CYB5R4: variants seen among roughly 807,000 people sequenced by gnomAD.
CYB5R4 encodes cytochrome b5 reductase 4, also known as N-terminal cytochrome b5 and cytochrome b5 oxidoreductase domain-containing protein.
A neutral mutation model predicts 70.2 loss-of-function variants in CYB5R4; 55 were observed. The ratio of observed to expected loss-of-function variants is 0.78; its 90% CI spans 0.63 to 0.98. The LOEUF is 0.98. Among genes scored for constraint, CYB5R4 ranks in the 50% least tolerant of loss-of-function variants. The pLI, the probability that CYB5R4 is intolerant of heterozygous loss-of-function variation, is 0.00. For synonymous variants in CYB5R4, 197 were observed against 199.5 expected (o/e 0.99, Z 0.11); for missense variants, 562 against 612.6 (o/e 0.92, Z 0.87).
At chr6:83,912,056 C>CAA (rs34601186) in intron 4 of CYB5R4, among the ~76,000 whole-genome samples, 1,768 of 64,362 alleles carry the variant, frequency 0.027, 51 homozygotes, top group African/African-American at 0.07. Context: ...GGCCTTGTCT[C>CAA]AAAAAAAAAA....
Position 83,965,131 on chromosome 6 carries a change from T to A in CYB5R4, c.*5253T>A, listed in dbSNP as rs1421568421. ...GTGGGGTTGGAGCCCCCTCACAGAG[T>A]CCCTACTGGGACACCGCCTAGTGGA... On this transcript the variant is annotated 3_prime_UTR_variant, in exon 16 of 16. Transcript: ENST00000369681. 6.6e-6 allele frequency: 1 copy of A among 151,910 alleles called. No individual in the cohort carries two copies. Among genetic ancestry groups the A allele is most frequent in the Non-Finnish European group, 1.5e-5 (1 of 68,050 alleles). 9.4% of individuals were successfully genotyped at this position (151,910 alleles called of 1,614,324 possible).
At chr6:83,930,270 C>G (rs1251651597) in intron 10 of CYB5R4, among the ~76,000 whole-genome samples, 6 of 152,050 alleles carry the variant, frequency 3.9e-5, no homozygotes, top group Admixed American at 2.6e-4. Flanking sequence ...TTGCCCACAT[C>G]GATTGACCCT....
At chr6:83,873,672 T>G (rs73493160) in intron 2 of CYB5R4, among the ~76,000 whole-genome samples, 3,691 of 152,314 alleles carry the variant, frequency 0.024, 144 homozygotes, top group African/African-American at 0.083. Context: ...TAATGAATAT[T>G]TCTCAAGGGT....
chr6:83,869,010 T>G (rs1467583764), intron 2 of CYB5R4, among the ~76,000 whole-genome samples: 5 of 152,222 alleles, frequency 3.3e-5, no homozygotes, highest in Admixed American at 1.3e-4. Context: ...TTTAGCAGAT[T>G]AGGTTCTCCA....
At chr6:83,922,810 A>G (rs2099466608) in intron 9 of CYB5R4, among the ~76,000 whole-genome samples, 1 of 150,802 alleles carries the variant, frequency 6.6e-6, no homozygotes, top group Non-Finnish European at 1.5e-5. Flanking sequence ...TGTGTGTGAG[A>G]TGGGGTCTCA....
intron 10 of CYB5R4, among the ~76,000 whole-genome samples, chr6:83,925,180 G>A (rs2099467087): frequency 1.3e-5 from 2 of 152,140 alleles, no homozygotes; most frequent in Non-Finnish European, 2.9e-5. Flanking sequence ...CATAGCAGAA[G>A]GTGAATGGAA....
intron 14 of CYB5R4, among the ~76,000 whole-genome samples, chr6:83,941,109 T>A (rs2099469699): frequency 6.6e-6 from 1 of 152,164 alleles, no homozygotes; most frequent in South Asian, 2.1e-4. Flanking sequence ...TTCTTCGCTC[T>A]TTCACTAGTG....
At chr6:83,883,933 A>G (rs965125643) in intron 2 of CYB5R4, among the ~76,000 whole-genome samples, 6 of 152,028 alleles carry the variant, frequency 3.9e-5, no homozygotes, top group African/African-American at 1.4e-4. Flanking sequence ...CAGTTCCTAG[A>G]ACAATCACTT....
chr6:83,865,119 C>G (rs2099456531), intron 2 of CYB5R4, among the ~76,000 whole-genome samples: 1 of 152,176 alleles, frequency 6.6e-6, no homozygotes, highest in Non-Finnish European at 1.5e-5. Context: ...CCTGACTGCA[C>G]TATAACCTAT....
intron 12 of CYB5R4, among the ~76,000 whole-genome samples, chr6:83,936,687 C>T (rs577457305): frequency 1.3e-5 from 2 of 152,286 alleles, no homozygotes; most frequent in African/African-American, 4.8e-5. Flanking sequence ...TTTTCAGCTA[C>T]CTCTTCTGCC....
intron 3 of CYB5R4, among the ~76,000 whole-genome samples, chr6:83,902,380 T>C (rs2099463121): frequency 6.6e-6 from 1 of 152,170 alleles, no homozygotes. Flanking sequence ...TTGGTTTATA[T>C]GTCTAGTTTC....
intron 2 of CYB5R4, among the ~76,000 whole-genome samples, chr6:83,879,434 C>A (rs1177244202): frequency 6.6e-6 from 1 of 152,124 alleles, no homozygotes; most frequent in Non-Finnish European, 1.5e-5. Context: ...GTGTTTTACA[C>A]TCTTTCCAGC....
intron 11 of CYB5R4, among the ~76,000 whole-genome samples, chr6:83,935,875 T>G (rs1309843499): frequency 6.6e-6 from 1 of 152,082 alleles, no homozygotes; most frequent in Admixed American, 6.6e-5. Context: ...TACATCTCCA[T>G]GGTAACTTTT....
intron 6 of CYB5R4, among the ~76,000 whole-genome samples, chr6:83,918,341 A>T (rs1263421642): frequency 6.6e-6 from 1 of 152,084 alleles, no homozygotes; most frequent in African/African-American, 2.4e-5. Flanking sequence ...AAAATACATT[A>T]ATGGTAGAAA....
intron 10 of CYB5R4, chr6:83,926,119 A>G (rs1210289574): frequency 6.6e-6 from 1 of 152,072 alleles, no homozygotes; most frequent in African/African-American, 2.4e-5. Flanking sequence ...ATCTTTTACT[A>G]TCTGCTCATA....
chr6:83,911,668 A>AT (rs1366105218), intron 4 of CYB5R4, among the ~76,000 whole-genome samples: 1 of 152,096 alleles, frequency 6.6e-6, no homozygotes, highest in Non-Finnish European at 1.5e-5. Context: ...GTCCTTTCAA[A>AT]TTTCTTCCAG....
intron 11 of CYB5R4, among the ~76,000 whole-genome samples, chr6:83,934,993 A>G (rs1459808994): frequency 6.6e-6 from 1 of 152,158 alleles, no homozygotes; most frequent in Non-Finnish European, 1.5e-5. Flanking sequence ...GTAATTTATT[A>G]CTAACAAAAC....
chr6:83,884,226 TTATC>T (rs1240518740), intron 2 of CYB5R4, among the ~76,000 whole-genome samples: 1 of 151,964 alleles, frequency 6.6e-6, no homozygotes, highest in Non-Finnish European at 1.5e-5. Flanking sequence ...AATATAGAGA[TTATC>T]TCTTTGTGTG....
chr6:83,868,250 A>G (rs1033987293), intron 2 of CYB5R4, among the ~76,000 whole-genome samples: 2 of 152,136 alleles, frequency 1.3e-5, no homozygotes, highest in African/African-American at 2.4e-5. Flanking sequence ...TCTGAATTCA[A>G]CTGATCACAA....
Sources: gnomAD v4.1 joint callset for allele counts (sites outside exome capture counted in the v4.1 genomes callset) on GRCh38, gnomAD v4.1.1 for gene constraint, MANE v1.5 for transcripts, NCBI Gene and HGNC (gene_info 2026-07-23, HGNC 2026-07-21) for gene names.